ZFHX4: variants seen among roughly 807,000 people sequenced by gnomAD.
ZFHX4 encodes the protein zinc finger homeobox protein 4.
A neutral mutation model predicts 267.6 loss-of-function variants in ZFHX4; 56 were observed. The observed-to-expected ratio is 0.21, with a 90% CI of 0.17 to 0.26. The LOEUF (loss-of-function observed/expected upper bound fraction) is 0.26, where lower values mean the gene tolerates loss of function less well. ZFHX4 is among the 10% of genes least tolerant of loss of function. The pLI, the probability that ZFHX4 is intolerant of heterozygous loss-of-function variation, is 1.00. For synonymous variants in ZFHX4, 1,778 were observed against 1,665.6 expected (o/e 1.07, Z -1.64); for missense variants, 4,332 against 4,420.0 (o/e 0.98, Z 0.56).
chr8:76,727,145 C>T (rs1003793267), intron 3 of ZFHX4, among the ~76,000 whole-genome samples: 4 of 152,064 alleles, frequency 2.6e-5, no homozygotes, highest in African/African-American at 4.8e-5. Flanking sequence ...TGTTCGTCTG[C>T]GTGCATCAAC....
At chr8:76,787,540 T>C (rs1361550057) in intron 4 of ZFHX4, among the ~76,000 whole-genome samples, 1 of 150,634 alleles carries the variant, frequency 6.6e-6, no homozygotes, top group Non-Finnish European at 1.5e-5. Flanking sequence ...CGGTGGCTCA[T>C]GCCTGTAATC....
chr8:76,765,745 G>A lies in ZFHX4; in HGVS notation c.3094-12463G>A, dbSNP rs144134382. Reference sequence around the variant, plus strand: ...CTATTGCATTGCCAGGCACAGTACCGTTAGGTATGGCACACTTGTTAATAT... The same window carrying A: ...CTATTGCATTGCCAGGCACAGTACCATTAGGTATGGCACACTTGTTAATAT... On this transcript the variant is annotated intron_variant, in intron 3 of 10. Transcript: ENST00000651372. Among the ~76,000 whole-genome samples the A allele has an allele frequency of 4.3e-3, 652 of 152,158 alleles. 5 individuals carry two copies. Among genetic ancestry groups the A allele is most frequent in the African/African-American group, 0.015 (604 of 41,542 alleles).
intron 4 of ZFHX4, among the ~76,000 whole-genome samples, chr8:76,811,102 C>T (rs1368931263): frequency 2.0e-5 from 3 of 152,118 alleles, no homozygotes; most frequent in Admixed American, 6.5e-5. Context: ...AGCCCACAAG[C>T]TAAACCCTCA....
chr8:76,701,022 C>A (rs1271659812), intron 1 of ZFHX4, among the ~76,000 whole-genome samples: 1 of 152,030 alleles, frequency 6.6e-6, no homozygotes, highest in Non-Finnish European at 1.5e-5. Flanking sequence ...TCGTAAATTT[C>A]TTAAATGGGT....
intron 10 of ZFHX4, among the ~76,000 whole-genome samples, chr8:76,858,963 T>C (rs1812801164): frequency 6.6e-6 from 1 of 152,144 alleles, no homozygotes; most frequent in Admixed American, 6.5e-5. Flanking sequence ...AAGATTTTGA[T>C]TAGAAGGAAA....
At chr8:76,698,097 C>T (rs2131594191) in intron 1 of ZFHX4, among the ~76,000 whole-genome samples, 1 of 152,164 alleles carries the variant, frequency 6.6e-6, no homozygotes. Context: ...CAAAGAAAGA[C>T]TCAGAAAGAG....
intron 1 of ZFHX4, among the ~76,000 whole-genome samples, chr8:76,689,972 T>G (rs1807784793): frequency 6.6e-6 from 1 of 152,086 alleles, no homozygotes. Flanking sequence ...CATCATAATG[T>G]CCTGATGGTC....
chr8:76,730,750 T>C (rs1449423625), intron 3 of ZFHX4, among the ~76,000 whole-genome samples: 3 of 152,066 alleles, frequency 2.0e-5, no homozygotes, highest in African/African-American at 4.8e-5. Flanking sequence ...CCCTGGGGTA[T>C]GCAAACTTAA....
At chr8:76,749,242 G>A (rs1809551061) in intron 3 of ZFHX4, among the ~76,000 whole-genome samples, 1 of 152,072 alleles carries the variant, frequency 6.6e-6, no homozygotes, top group Admixed American at 6.5e-5. Context: ...TCAATTTAAT[G>A]TAAATTTTTC....
chr8:76,709,488 G>C (rs1388206710), intron 3 of ZFHX4, among the ~76,000 whole-genome samples: 1 of 152,014 alleles, frequency 6.6e-6, no homozygotes, highest in Admixed American at 6.6e-5. Context: ...TTTTTCTGTT[G>C]ATACCTGGCC....
chr8:76,851,340 C>T lies in ZFHX4; in HGVS notation c.4419C>T (p.Ser1473=), dbSNP rs540974936. ...TGAATGGAGAACTGTGGGCAGAGAG[C>T]GAAACTATGTCCCAGGATGACCATG... The part of the protein sequence containing the change: ...LPVNGELWAE[S]ETMSQDDHGL... Residue 1473 remains serine, a synonymous_variant, in exon 10 of 11, where the codon AGC becomes AGT. Transcript: ENST00000651372. The T allele has an allele frequency of 5.3e-5, 85 of 1,613,638 alleles. No homozygotes were observed. The highest frequency in any genetic ancestry group is 2.7e-4 in the African/African-American group (20 of 74,992).
In ZFHX4 at chr8:76,852,676, G is replaced by C. The variant is rs1486081848; in HGVS notation, c.5755G>C (p.Glu1919Gln). 6.2e-7 allele frequency: 1 copy of C among 1,613,782 alleles called. No homozygotes were observed. The highest frequency in any genetic ancestry group is 8.5e-7 in the Non-Finnish European group (1 of 1,179,818). Residue 1919 changes from glutamate to glutamine, a missense_variant, in exon 10 of 11, where the codon GAA becomes CAA. Physicochemically the swap from Glu to Gln is conservative, Grantham distance 29. This residue lies in a region of ZFHX4 where 1,371 missense variants were observed against 1,423.1 expected (regional missense o/e 0.96). Transcript: ENST00000651372. ...AGCGTTATTGGAAAACTTTGGTTTTGAACTGGTCATTCAGTATAACGAAAA... is the reference window on the plus strand; with the variant it reads ...AGCGTTATTGGAAAACTTTGGTTTTCAACTGGTCATTCAGTATAACGAAAA... ...AKALLENFGF[E>Q]LVIQYNENRQ... is the part of the protein sequence containing the mutation.
intron 1 of ZFHX4, among the ~76,000 whole-genome samples, chr8:76,690,640 A>G (rs915599060): frequency 6.6e-6 from 1 of 152,000 alleles, no homozygotes; most frequent in Non-Finnish European, 1.5e-5. Context: ...ATTAGAATTA[A>G]TCATCTCTTT....
chr8:76,753,877 C>A, intron 3 of ZFHX4, among the ~76,000 whole-genome samples: 1 of 152,050 alleles, frequency 6.6e-6, no homozygotes, highest in Admixed American at 6.6e-5. Context: ...ATCCTCCTGC[C>A]TTGGCTTCCC....
intron 3 of ZFHX4, among the ~76,000 whole-genome samples, chr8:76,742,340 T>G (rs1049497476): frequency 6.6e-6 from 1 of 152,218 alleles, no homozygotes; most frequent in African/African-American, 2.4e-5. Flanking sequence ...CTGGCAATTT[T>G]GGCGGCAATA....
At chr8:76,751,065 A>G (rs570314594) in intron 3 of ZFHX4, among the ~76,000 whole-genome samples, 5 of 152,126 alleles carry the variant, frequency 3.3e-5, no homozygotes, top group Non-Finnish European at 7.4e-5. Flanking sequence ...TAGGAAGCTT[A>G]AATTTGGAAT....
intron 1 of ZFHX4, among the ~76,000 whole-genome samples, 186 bp downstream of exon 1, chr8:76,681,806 C>T (rs911418590): frequency 2.0e-5 from 3 of 152,058 alleles, no homozygotes; most frequent in African/African-American, 7.2e-5. Context: ...CCCCTCATCC[C>T]GACCATCTCT....
intron 3 of ZFHX4, among the ~76,000 whole-genome samples, chr8:76,715,352 C>G (rs183484473): frequency 6.6e-6 from 1 of 151,454 alleles, no homozygotes; most frequent in East Asian, 1.9e-4. Context: ...AATGGTGGTG[C>G]GCACCTGTAG....
At chr8:76,701,342 G>A (rs1808098122) in intron 1 of ZFHX4, among the ~76,000 whole-genome samples, 1 of 152,080 alleles carries the variant, frequency 6.6e-6, no homozygotes. Context: ...TTTATGTGTA[G>A]TTTATTGCGA....
Sources: gnomAD v4.1 joint callset for allele counts (sites outside exome capture counted in the v4.1 genomes callset) on GRCh38, gnomAD v4.1.1 for gene constraint, gnomAD v4.1.1 regional missense constraint, MANE v1.5 for transcripts, NCBI Gene and HGNC (gene_info 2026-07-23, HGNC 2026-07-21) for gene names.